ERBIN: variants seen among roughly 807,000 people sequenced by gnomAD.
ERBIN encodes the protein densin-180-like protein.
Under a neutral mutation model 158.4 loss-of-function variants are expected in ERBIN, and 60 were observed. That is an observed-to-expected ratio of 0.38 (90% CI 0.31 to 0.47). The LOEUF (loss-of-function observed/expected upper bound fraction) is 0.47, where lower values mean the gene tolerates loss of function less well. Ranked by LOEUF, ERBIN falls within the 20% of genes least tolerant of loss-of-function variation. ERBIN has a pLI of 0.99. For synonymous variants in ERBIN, 594 were observed against 557.2 expected, an observed-to-expected ratio of 1.07 and a Z score of -0.93; for missense variants, 1,610 against 1,648.0, an observed-to-expected ratio of 0.98 and a Z score of 0.40.
At chr5:66,037,073 G>A (rs993566067) in intron 14 of ERBIN, among the ~76,000 whole-genome samples, 5 of 152,124 alleles carry the variant, frequency 3.3e-5, no homozygotes, top group African/African-American at 9.7e-5. Context: ...AGGGTGATGA[G>A]TTTTTAAAAG....
chr5:66,063,807 A>G (rs2151276595), intron 21 of ERBIN, among the ~76,000 whole-genome samples: 1 of 152,356 alleles, frequency 6.6e-6, no homozygotes, highest in South Asian at 2.1e-4. Flanking sequence ...TCTGTTAAAT[A>G]TACTTATCTG....
intron 21 of ERBIN, among the ~76,000 whole-genome samples, chr5:66,067,894 T>G (rs1281044491): frequency 6.6e-6 from 1 of 152,152 alleles, no homozygotes; most frequent in Non-Finnish European, 1.5e-5. Flanking sequence ...GAGGATGGCT[T>G]GAGCCCAGGA....
At chr5:65,994,625 C>G in intron 3 of ERBIN, 122 bp from the exon 4 acceptor site, 1 of 578,140 alleles carries the variant, frequency 1.7e-6, no homozygotes, top group Non-Finnish European at 3.1e-6. Context: ...AATGAGGCAT[C>G]TTTCCTGGTA....
At chr5:66,034,329 G>A (rs1260400773) in intron 14 of ERBIN, among the ~76,000 whole-genome samples, 2 of 151,022 alleles carry the variant, frequency 1.3e-5, no homozygotes, top group African/African-American at 2.4e-5. Flanking sequence ...TCACTCTGTC[G>A]CCCAGGCTGG....
chr5:65,980,706 C>A (rs1264490038), intron 1 of ERBIN, among the ~76,000 whole-genome samples: 2 of 150,868 alleles, frequency 1.3e-5, no homozygotes, highest in East Asian at 1.9e-4. Context: ...TACTAAAAGA[C>A]AAGGATTACT....
At chr5:65,971,686 T>G (rs1749259267) in intron 1 of ERBIN, among the ~76,000 whole-genome samples, 1 of 152,180 alleles carries the variant, frequency 6.6e-6, no homozygotes, top group South Asian at 2.1e-4. Context: ...AGATGAGCAT[T>G]CTCTTTCTAT....
intron 1 of ERBIN, among the ~76,000 whole-genome samples, chr5:65,968,347 A>G (rs1429155769): frequency 6.6e-6 from 1 of 152,110 alleles, no homozygotes; most frequent in Non-Finnish European, 1.5e-5. Context: ...ATCAAATAAG[A>G]TATATTTGGC....
intron 14 of ERBIN, among the ~76,000 whole-genome samples, chr5:66,029,757 G>A (rs1409096303): frequency 4.0e-5 from 6 of 151,530 alleles, no homozygotes; most frequent in Non-Finnish European, 5.9e-5. Context: ...GGCATGTGCC[G>A]CCACTCCCAG....
intron 8 of ERBIN, 94 bp from the exon 9 acceptor site, chr5:66,023,196 A>T (rs1755878437): frequency 1.2e-6 from 1 of 854,038 alleles, no homozygotes; most frequent in Non-Finnish European, 1.9e-6. Flanking sequence ...TTGAAACTAA[A>T]GGTTATTAGA....
chr5:65,985,239 C>T (rs751627063), intron 1 of ERBIN, among the ~76,000 whole-genome samples: 2 of 152,112 alleles, frequency 1.3e-5, no homozygotes, highest in Admixed American at 6.5e-5. Context: ...ATTACAGGTG[C>T]GCACCACCAT....
At chr5:66,022,211 C>T (rs1213343537) in intron 8 of ERBIN, among the ~76,000 whole-genome samples, 2 of 152,088 alleles carry the variant, frequency 1.3e-5, no homozygotes, top group Non-Finnish European at 2.9e-5. Flanking sequence ...AAAATACATG[C>T]TGTGCTTCCC....
At chr5:65,938,059 G>A (rs1055459029) in intron 1 of ERBIN, among the ~76,000 whole-genome samples, 3 of 152,176 alleles carry the variant, frequency 2.0e-5, no homozygotes, top group African/African-American at 4.8e-5. Context: ...ATGCCCTTTA[G>A]TGGCATTTAT....
chr5:66,007,540 G>C (rs7712319), intron 4 of ERBIN, among the ~76,000 whole-genome samples: 1 of 119,588 alleles, frequency 8.4e-6, no homozygotes, highest in Admixed American at 8.0e-5. Flanking sequence ...AAAACTTAAA[G>C]TATAATAAAA....
chr5:66,002,884 A>G (rs1471901674), intron 4 of ERBIN, among the ~76,000 whole-genome samples: 1 of 152,222 alleles, frequency 6.6e-6, no homozygotes, highest in South Asian at 2.1e-4. Context: ...GTTTTAATAA[A>G]TCACTTTATT....
chr5:66,077,490 A>AT (rs1491455660), intron 25 of ERBIN, among the ~76,000 whole-genome samples: 1 of 151,956 alleles, frequency 6.6e-6, no homozygotes, highest in Non-Finnish European at 1.5e-5. Context: ...CCAAAAAAAA[A>AT]GGGAGAGAGA....
At chr5:66,003,590 A>T (rs1247061256) in intron 4 of ERBIN, among the ~76,000 whole-genome samples, 1 of 152,228 alleles carries the variant, frequency 6.6e-6, no homozygotes, top group African/African-American at 2.4e-5. Flanking sequence ...GGCTTGGACA[A>T]TATCATGTTT....
At chr5:65,998,900 A>G (rs1752731256) in intron 4 of ERBIN, among the ~76,000 whole-genome samples, 1 of 150,794 alleles carries the variant, frequency 6.6e-6, no homozygotes, top group South Asian at 2.1e-4. Context: ...GTCTCAAAAA[A>G]AAAAAAAAAA....
chr5:65,951,107 C>T (rs557620489), intron 1 of ERBIN, among the ~76,000 whole-genome samples: 40 of 152,216 alleles, frequency 2.6e-4, no homozygotes, highest in East Asian at 1.9e-3. Context: ...GGTGACACGC[C>T]GGTGGAAGCC....
At chr5:66,075,299 T>G in intron 23 of ERBIN, 69 bp downstream of exon 23, 1 of 1,237,236 alleles carries the variant, frequency 8.1e-7, no homozygotes, top group South Asian at 1.3e-5. Flanking sequence ...GTTACTTAAT[T>G]ATTAGTAAAT....
Sources: allele counts gnomAD v4.1 joint callset (sites outside exome capture counted in the v4.1 genomes callset), GRCh38; gene constraint gnomAD v4.1.1; transcripts MANE v1.5; gene names NCBI Gene and HGNC (gene_info 2026-07-23, HGNC 2026-07-21).